Variants in GALNT17 observed in about 807,000 individuals in gnomAD.
GALNT17 encodes the protein UDP-GalNAc:polypeptide N-acetylgalactosaminyltransferase-like 3.
In GALNT17, 29 loss-of-function variants were observed where a neutral mutation model predicts 63.7. The ratio of observed to expected loss-of-function variants is 0.46; its 90% CI spans 0.34 to 0.62. The LOEUF is 0.62. Among genes scored for constraint, GALNT17 ranks in the 20% least tolerant of loss-of-function variants. The pLI is 0.01. For synonymous variants in GALNT17, 305 were observed against 318.3 expected, an observed-to-expected ratio of 0.96 and a Z score of 0.45; for missense variants, 603 against 799.6, an observed-to-expected ratio of 0.75 and a Z score of 2.97.
chr7:71,429,212 A>G lies in GALNT17; in HGVS notation c.962+8107A>G, dbSNP rs932126417. Among the ~76,000 whole-genome samples the G allele has an allele frequency of 2.0e-5, 3 of 152,256 alleles. No individual in the cohort carries two copies. The East Asian group carries it at 5.8e-4, about 29-fold the overall frequency. On this transcript the variant is annotated intron_variant, in intron 5 of 10. Transcript: ENST00000333538. ...AAGGCATGGAACAGGGAGAAGGGGA[A>G]AGTCTGAAGGCAGAAAGGAAGGGGT...
At chr7:71,401,502 G>C (rs1793240418) in intron 3 of GALNT17, among the ~76,000 whole-genome samples, 1 of 152,092 alleles carries the variant, frequency 6.6e-6, no homozygotes, top group Non-Finnish European at 1.5e-5. Context: ...CCATAAACTG[G>C]TCCATGGCCT....
Position 71,462,592 on chromosome 7 carries a change from G to A in GALNT17, c.962+41487G>A, listed in dbSNP as rs115108307. On this transcript the variant is annotated intron_variant, in intron 5 of 10. Coordinates refer to ENST00000333538, the MANE Select transcript of GALNT17 (RefSeq NM_022479.3). ...TTGGTTTTATACATTCTAGGGAGAC[G>A]TGAGACATCAATCAATATATGTTAA... Among the ~76,000 whole-genome samples the A allele has an allele frequency of 2.2e-3, 340 of 152,306 alleles. 2 individuals are homozygous for A. The highest frequency in any genetic ancestry group is 7.2e-3 in the African/African-American group (299 of 41,564).
chr7:71,370,902 C>G (rs551924402), intron 2 of GALNT17, among the ~76,000 whole-genome samples: 1 of 150,766 alleles, frequency 6.6e-6, no homozygotes, highest in African/African-American at 2.5e-5. Flanking sequence ...CACTGTGCCT[C>G]GTCTGACTTT....
chr7:71,173,856 T>C (rs1473212876), intron 1 of GALNT17, among the ~76,000 whole-genome samples: 1 of 152,228 alleles, frequency 6.6e-6, no homozygotes, highest in Non-Finnish European at 1.5e-5. Context: ...GTTCACATTA[T>C]GTCCTTAATA....
At chr7:71,375,098 C>T (rs1792696990) in intron 2 of GALNT17, among the ~76,000 whole-genome samples, 1 of 152,028 alleles carries the variant, frequency 6.6e-6, no homozygotes, top group South Asian at 2.1e-4. Context: ...CCTCGGCCTC[C>T]CAAAGTGCTG....
intron 5 of GALNT17, among the ~76,000 whole-genome samples, chr7:71,565,850 T>C (rs953172871): frequency 3.3e-5 from 5 of 150,614 alleles, no homozygotes; most frequent in African/African-American, 1.2e-4. Context: ...CTTTTCTTTT[T>C]TTTTTTTTTT....
At chr7:71,399,007 A>T (rs1389130882) in intron 3 of GALNT17, among the ~76,000 whole-genome samples, 3 of 152,092 alleles carry the variant, frequency 2.0e-5, no homozygotes, top group African/African-American at 7.2e-5. Flanking sequence ...CTGAGGTGGG[A>T]CGATCACTTG....
intron 2 of GALNT17, among the ~76,000 whole-genome samples, chr7:71,347,561 T>C (rs1792118095): frequency 6.6e-6 from 1 of 152,128 alleles, no homozygotes. Context: ...TACTGAAAAG[T>C]GATATATCCT....
In GALNT17 at chr7:71,148,860, T is replaced by TTATATATATATA. The variant is rs59163644; in HGVS notation, c.238+15842_238+15853dup. On this transcript the variant is annotated intron_variant, in intron 1 of 10. Coordinates refer to ENST00000333538, the MANE Select transcript of GALNT17 (RefSeq NM_022479.3). ...GAAATACAGTAGTATTATGGTATTT[T>TTATATATATATA]TATATATATATATATATATATATAT... is the stretch of plus-strand genomic sequence containing the variant. Among the ~76,000 whole-genome samples the TTATATATATATA allele has an allele frequency of 7.6e-3, 783 of 103,022 alleles. 8 individuals carry two copies. Among genetic ancestry groups the TTATATATATATA allele is most frequent in the Admixed American group, 0.014 (127 of 9,238 alleles). 67.6% of individuals were successfully genotyped at this position (103,022 alleles called of 152,430 possible).
At position 71,259,648 on chromosome 7, in the gene GALNT17, T is replaced by TTTTG. The variant is rs1554345430; in HGVS notation, c.239-75899_239-75898insGTTT. On this transcript the variant is annotated intron_variant, in intron 1 of 10. Transcript: ENST00000333538. ...CCTGTTTTGTTTTTTGTTTTTTTGT[T>TTTTG]TTTTTTTTTTTGAGACGGAGTCTTG... 4.8e-5 allele frequency among the ~76,000 whole-genome samples: 7 copies of TTTTG among 145,586 alleles called. No individual in the cohort carries two copies. In the South Asian group the frequency reaches 1.4e-3, roughly 28 times the overall value.
In GALNT17 at chr7:71,447,471, T is replaced by C. The variant is rs568100664; in HGVS notation, c.962+26366T>C. Among the ~76,000 whole-genome samples, 8 of 152,244 alleles carry C rather than the reference T, an allele frequency of 5.3e-5. No homozygotes were observed. The East Asian group carries it at 1.4e-3, about 26-fold the overall frequency. ...GCATTTTCTGACATAGAATGCTCAG[T>C]TGGTAAGTATAATGCAAATAATCTA... On this transcript the variant is annotated intron_variant, in intron 5 of 10. Coordinates refer to ENST00000333538, the MANE Select transcript of GALNT17 (RefSeq NM_022479.3).
At chr7:71,422,867 G>C (rs574858867) in intron 5 of GALNT17, among the ~76,000 whole-genome samples, 1 of 152,334 alleles carries the variant, frequency 6.6e-6, no homozygotes, top group South Asian at 2.1e-4. Context: ...TTCCTGAGTG[G>C]TGGAGGTAGC....
At chr7:71,348,785 C>A (rs369065928) in intron 2 of GALNT17, among the ~76,000 whole-genome samples, 2 of 152,146 alleles carry the variant, frequency 1.3e-5, no homozygotes, top group Non-Finnish European at 2.9e-5. Flanking sequence ...ATCTAATATT[C>A]AGAAATCCTC....
At chr7:71,606,873 A>G (rs1790055400) in intron 6 of GALNT17, among the ~76,000 whole-genome samples, 1 of 152,226 alleles carries the variant, frequency 6.6e-6, no homozygotes, top group Non-Finnish European at 1.5e-5. Context: ...AAGAAGCCAT[A>G]TGCGGTATGA....
At position 71,647,854 on chromosome 7, in the gene GALNT17, G is replaced by A. The variant is rs139905637; in HGVS notation, c.1081-17557G>A. Among the ~76,000 whole-genome samples the A allele has an allele frequency of 7.4e-3, 1,127 of 152,304 alleles. 13 individuals carry two copies. Among genetic ancestry groups the A allele is most frequent in the Middle Eastern group, 0.02 (6 of 294 alleles). ...CTGCAGTCCAGGTGTCTGGGGGGCC[G>A]TCTAGTGAGACAACAAGAGAGTCCT... On this transcript the variant is annotated intron_variant, in intron 6 of 10. Coordinates refer to ENST00000333538, the MANE Select transcript of GALNT17 (RefSeq NM_022479.3).
At chr7:71,283,593 T>C (rs540845858) in intron 1 of GALNT17, among the ~76,000 whole-genome samples, 40 of 152,272 alleles carry the variant, frequency 2.6e-4, no homozygotes, top group African/African-American at 9.1e-4. Context: ...TTTGGCTGTG[T>C]CCCCATCCAA....
In GALNT17 at chr7:71,710,770, T is replaced by C; in HGVS notation, c.1510T>C (p.Tyr504His). ...CHGWGPQLAR[Y>H]TKEGFLHLGA... ...TCTGGTCTCTCGACAGCTTGCCCGC[T>C]ACACCAAGGAAGGCTTCCTGCACTT... Residue 504 changes from tyrosine (Y) to histidine (H), a missense_variant, in exon 10 of 11, where the codon TAC (tyrosine) becomes CAC (histidine). This residue lies in a region of GALNT17 where 336 missense variants were observed against 507.8 expected (regional missense o/e 0.66). Coordinates refer to ENST00000333538, the MANE Select transcript of GALNT17 (RefSeq NM_022479.3). The C allele has an allele frequency of 6.2e-7, 1 of 1,612,140 alleles. No individual in the cohort carries two copies. Among genetic ancestry groups the C allele is most frequent in the Non-Finnish European group, 8.5e-7 (1 of 1,179,752 alleles).
chr7:71,699,455 GAC>G (rs1791596666), intron 9 of GALNT17, among the ~76,000 whole-genome samples: 1 of 139,084 alleles, frequency 7.2e-6, no homozygotes, highest in Non-Finnish European at 1.5e-5. Flanking sequence ...CAGCCTGGGT[GAC>G]AGAGTGAGAC....
rs150336228 is a variant in GALNT17, at chr7:71,683,636, C to T, written c.1500+6330C>T. Among the ~76,000 whole-genome samples the T allele has an allele frequency of 4.2e-3, 634 of 152,244 alleles. 10 individuals carry two copies. Among genetic ancestry groups the T allele is most frequent in the African/African-American group, 0.015 (609 of 41,532 alleles). On this transcript the variant is annotated intron_variant, in intron 9 of 10. Coordinates refer to ENST00000333538, the MANE Select transcript of GALNT17 (RefSeq NM_022479.3). ...GCCTTGCTTGCTCGGAAATGTCTGT[C>T]GCCTTGGTTTTGGCTGATTACTAAT...
Sources: gnomAD v4.1 joint callset for allele counts (sites outside exome capture counted in the v4.1 genomes callset) on GRCh38, gnomAD v4.1.1 for gene constraint, gnomAD v4.1.1 regional missense constraint, MANE v1.5 for transcripts, NCBI Gene and HGNC (gene_info 2026-07-23, HGNC 2026-07-21) for gene names.